Variants in ARB2A observed in about 807,000 individuals in gnomAD.
The protein encoded by ARB2A is cotranscriptional regulator ARB2A.
the ARB2A span, among the ~76,000 whole-genome samples, chr5:93,657,766 C>T: frequency 6.6e-6 from 1 of 152,014 alleles, no homozygotes; most frequent in South Asian, 2.1e-4. Context: ...GAAATTTCAG[C>T]GTGTTATATG....
the ARB2A span, among the ~76,000 whole-genome samples, chr5:93,650,574 A>G: frequency 6.6e-6 from 1 of 152,136 alleles, no homozygotes; most frequent in African/African-American, 2.4e-5. Flanking sequence ...AGAGTAGAGA[A>G]AACAGAGAAT....
chr5:94,030,934 C>G, the ARB2A span, among the ~76,000 whole-genome samples: 1 of 152,122 alleles, frequency 6.6e-6, no homozygotes, highest in Admixed American at 6.5e-5. Context: ...AGTACAAGGC[C>G]CTCAACAGAA....
the ARB2A span, among the ~76,000 whole-genome samples, chr5:93,753,397 G>C: frequency 6.6e-6 from 1 of 152,166 alleles, no homozygotes; most frequent in Non-Finnish European, 1.5e-5. Flanking sequence ...AGTCAACCTG[G>C]ACTATTTAAG....
the ARB2A span, among the ~76,000 whole-genome samples, chr5:93,818,696 G>A: frequency 6.6e-6 from 1 of 152,160 alleles, no homozygotes; most frequent in Non-Finnish European, 1.5e-5. Flanking sequence ...CTACAAGGGT[G>A]TGTCATACAG....
At chr5:93,711,684 G>C in the ARB2A span, among the ~76,000 whole-genome samples, 1 of 152,352 alleles carries the variant, frequency 6.6e-6, no homozygotes, top group East Asian at 1.9e-4. Flanking sequence ...GAAATCTGCT[G>C]TATTACAGGT....
chr5:93,716,791 T>C, the ARB2A span, among the ~76,000 whole-genome samples: 1 of 151,068 alleles, frequency 6.6e-6, no homozygotes, highest in South Asian at 2.1e-4. Flanking sequence ...CTCAAATGAC[T>C]CTGCTGTTCA....
the ARB2A span, among the ~76,000 whole-genome samples, chr5:93,770,847 A>C: frequency 6.6e-6 from 1 of 152,196 alleles, no homozygotes; most frequent in Admixed American, 6.5e-5. Flanking sequence ...ATGGGTAGGA[A>C]GAATCAATAT....
the ARB2A span, among the ~76,000 whole-genome samples, chr5:93,854,005 T>G: frequency 2.0e-5 from 3 of 152,174 alleles, no homozygotes; most frequent in East Asian, 1.9e-4. Context: ...TCTTTTTCTA[T>G]TGATTGGAGT....
chr5:94,087,483 G>T, the ARB2A span, among the ~76,000 whole-genome samples: 5 of 152,154 alleles, frequency 3.3e-5, no homozygotes, highest in African/African-American at 1.2e-4. Context: ...AAAACTAGTT[G>T]TATATATTTC....
chr5:94,047,840 A>G, the ARB2A span, among the ~76,000 whole-genome samples: 125 of 152,316 alleles, frequency 8.2e-4, no homozygotes, highest in Non-Finnish European at 1.6e-3. Context: ...AATGATGCAG[A>G]TGCCAAAAAG....
At chr5:93,627,686 C>T in the ARB2A span, among the ~76,000 whole-genome samples, 18 of 152,200 alleles carry the variant, frequency 1.2e-4, no homozygotes, top group African/African-American at 3.4e-4. Flanking sequence ...GTGATCTGCC[C>T]GCTTTGGCTT....
At chr5:94,106,607 C>CTGCT in the ARB2A span, among the ~76,000 whole-genome samples, 1 of 152,024 alleles carries the variant, frequency 6.6e-6, no homozygotes, top group Non-Finnish European at 1.5e-5. Flanking sequence ...CCATTCAACT[C>CTGCT]AGCAATCCCA....
the ARB2A span, among the ~76,000 whole-genome samples, chr5:94,064,159 A>C: frequency 6.6e-6 from 1 of 152,152 alleles, no homozygotes; most frequent in Non-Finnish European, 1.5e-5. Context: ...GATATAAAAA[A>C]AGAACCAATC....
chr5:93,892,346 C>G, the ARB2A span, among the ~76,000 whole-genome samples: 1 of 152,050 alleles, frequency 6.6e-6, no homozygotes, highest in Non-Finnish European at 1.5e-5. Flanking sequence ...TAAATAGAAG[C>G]CCTATATGAG....
the ARB2A span, among the ~76,000 whole-genome samples, chr5:93,904,771 T>C: frequency 5.0e-4 from 76 of 151,794 alleles, no homozygotes; most frequent in African/African-American, 1.7e-3. Context: ...TATTAGGAGA[T>C]TTTGAACTCT....
chr5:93,825,754 G>A, the ARB2A span, among the ~76,000 whole-genome samples: 4 of 152,094 alleles, frequency 2.6e-5, no homozygotes, highest in East Asian at 7.7e-4. Flanking sequence ...ATAGCAGAAA[G>A]TTATACTGAT....
At chr5:93,824,131 G>T in the ARB2A span, 1 of 1,555,376 alleles carries the variant, frequency 6.4e-7, no homozygotes, top group Non-Finnish European at 8.7e-7. Flanking sequence ...ACTACAGAGA[G>T]TAAAATAAGC....
At chr5:94,057,025 G>A in the ARB2A span, among the ~76,000 whole-genome samples, 4 of 152,138 alleles carry the variant, frequency 2.6e-5, no homozygotes, top group East Asian at 1.9e-4. Flanking sequence ...TCTCTCTGCC[G>A]ATCTTCAAGC....
At chr5:94,104,466 T>C in the ARB2A span, among the ~76,000 whole-genome samples, 1 of 151,856 alleles carries the variant, frequency 6.6e-6, no homozygotes, top group African/African-American at 2.4e-5. Context: ...AGAAGGAAAT[T>C]GAAACCCTGA....
Sources: allele counts gnomAD v4.1 joint callset (sites outside exome capture counted in the v4.1 genomes callset), GRCh38; gene constraint gnomAD v4.1.1; transcripts MANE v1.5; gene names NCBI Gene and HGNC (gene_info 2026-07-23, HGNC 2026-07-21).